Variants in PRKG1 observed in about 807,000 individuals in gnomAD.
PRKG1 encodes protein kinase cGMP-dependent 1.
PRKG1 carries 35 observed loss-of-function variants against 88.1 expected under a neutral mutation model. The observed-to-expected ratio is 0.40, with a 90% CI of 0.30 to 0.53. The LOEUF is 0.53. Among genes scored for constraint, PRKG1 ranks in the 20% least tolerant of loss-of-function variants. The pLI, the probability that PRKG1 is intolerant of heterozygous loss-of-function variation, is 0.59. For synonymous variants in PRKG1, 303 were observed against 292.5 expected (o/e 1.04, Z -0.37); for missense variants, 540 against 839.8 (o/e 0.64, Z 4.41).
chr10:51,249,389 C>A (rs1241853885), intron 2 of PRKG1, among the ~76,000 whole-genome samples: 1 of 151,672 alleles, frequency 6.6e-6, no homozygotes, highest in Non-Finnish European at 1.5e-5. Flanking sequence ...CATGTGAATG[C>A]CATAGGAATT....
chr10:52,293,959 C>G lies in PRKG1; in HGVS notation c.*59C>G. 7.2e-7 allele frequency: 1 copy of G among 1,395,144 alleles called. No homozygotes were observed. Among genetic ancestry groups the G allele is most frequent in the East Asian group, 2.3e-5 (1 of 43,370 alleles). The allele number at this position is 1,395,144 out of a possible 1,614,324, so 86.4% of individuals were successfully genotyped here. A position where few individuals can be genotyped will look rare whatever the true frequency, so the allele number is the denominator to read the frequency against. ...GACAGCTTTTTCTGAGACACAGCTGCCAGCAAACCTGAGGGAAAGAGAGAA... is the reference window on the plus strand; with the variant it reads ...GACAGCTTTTTCTGAGACACAGCTGGCAGCAAACCTGAGGGAAAGAGAGAA... On this transcript the variant is annotated 3_prime_UTR_variant, in exon 18 of 18. Transcript: ENST00000373980.
At chr10:51,406,627 T>G (rs865801748) in intron 2 of PRKG1, among the ~76,000 whole-genome samples, 2,159 of 151,944 alleles carry the variant, frequency 0.014, 26 homozygotes, top group Non-Finnish European at 0.019. Flanking sequence ...GTTTGTTTTT[T>G]TTTTTTTTTT....
intron 5 of PRKG1, among the ~76,000 whole-genome samples, chr10:52,034,871 G>C (rs1462827138): frequency 2.6e-5 from 4 of 152,216 alleles, no homozygotes; most frequent in Admixed American, 2.0e-4. Context: ...CAAATGCGCT[G>C]TACCCTGCAG....
chr10:51,380,033 T>G (rs987666188), intron 2 of PRKG1, among the ~76,000 whole-genome samples: 1 of 152,196 alleles, frequency 6.6e-6, no homozygotes, highest in Non-Finnish European at 1.5e-5. Flanking sequence ...TGGCTCATTC[T>G]TCTCCACCAT....
chr10:51,505,653 GTT>G (rs1841177537), intron 3 of PRKG1, among the ~76,000 whole-genome samples: 1 of 152,094 alleles, frequency 6.6e-6, no homozygotes, highest in Non-Finnish European at 1.5e-5. Flanking sequence ...TTCAGAGCCT[GTT>G]ATTGGTCTAT....
At chr10:51,460,423 A>T (rs1839716253) in intron 2 of PRKG1, among the ~76,000 whole-genome samples, 1 of 152,178 alleles carries the variant, frequency 6.6e-6, no homozygotes. Context: ...GCAAGAATGT[A>T]TTATACATTG....
rs183734038 is a variant in PRKG1, at chr10:51,783,360, C to T, written c.593-21225C>T. Among the ~76,000 whole-genome samples, 131 of 152,218 alleles carry T rather than the reference C, an allele frequency of 8.6e-4. 1 individual carries two copies. Among genetic ancestry groups the T allele is most frequent in the Admixed American group, 7.1e-3 (109 of 15,256 alleles). ...GTGGCATGATCTCAGGTCACTGCAACTTCCACCTTCTGGATTTAAGCAATT... is the reference window on the plus strand; with the variant it reads ...GTGGCATGATCTCAGGTCACTGCAATTTCCACCTTCTGGATTTAAGCAATT... On this transcript the variant is annotated intron_variant, in intron 3 of 17. Coordinates refer to ENST00000373980, the MANE Select transcript of PRKG1 (RefSeq NM_006258.4).
chr10:52,227,548 A>G (rs1840418092), intron 9 of PRKG1, among the ~76,000 whole-genome samples: 1 of 152,162 alleles, frequency 6.6e-6, no homozygotes, highest in African/African-American at 2.4e-5. Context: ...TGCTCAGGCT[A>G]TATGCAAATA....
At chr10:51,691,620 G>A (rs1042281672) in intron 3 of PRKG1, among the ~76,000 whole-genome samples, 5 of 152,096 alleles carry the variant, frequency 3.3e-5, no homozygotes, top group Non-Finnish European at 5.9e-5. Context: ...CTGGCCTTGA[G>A]CAAGTTTTTC....
intron 1 of PRKG1, among the ~76,000 whole-genome samples, chr10:51,097,136 T>A (rs1269088362): frequency 1.3e-5 from 2 of 152,156 alleles, no homozygotes; most frequent in East Asian, 1.9e-4. Context: ...GTGCATATAA[T>A]GCTGGTTGGC....
In PRKG1 at chr10:51,350,289, A is replaced by G. The variant is rs542776855; in HGVS notation, c.479-117434A>G. ...ATTGAAAGCTCAAACATCCCAACTC[A>G]CTAATACAGATGATAAAGGAACCCA... is the stretch of plus-strand genomic sequence containing the variant. On this transcript the variant is annotated intron_variant, in intron 2 of 17. Transcript: ENST00000373980. 2.0e-3 allele frequency among the ~76,000 whole-genome samples: 310 copies of G among 152,340 alleles called. 1 individual carries two copies. Among genetic ancestry groups the G allele is most frequent in the African/African-American group, 7.3e-3 (303 of 41,582 alleles).
At chr10:51,150,909 G>A (rs943633185) in intron 1 of PRKG1, among the ~76,000 whole-genome samples, 10 of 151,866 alleles carry the variant, frequency 6.6e-5, no homozygotes, top group African/African-American at 1.7e-4. Context: ...GGGAGAAAGC[G>A]ACTTCAATCA....
intron 5 of PRKG1, among the ~76,000 whole-genome samples, chr10:51,965,102 A>C (rs1415838089): frequency 1.3e-5 from 2 of 152,204 alleles, no homozygotes; most frequent in Non-Finnish European, 2.9e-5. Context: ...TTTATATTTT[A>C]AGTTCAGGGG....
intron 3 of PRKG1, among the ~76,000 whole-genome samples, chr10:51,668,320 G>C (rs1415394572): frequency 6.6e-6 from 1 of 152,182 alleles, no homozygotes; most frequent in Non-Finnish European, 1.5e-5. Context: ...TGGAGTTTAG[G>C]ACTTGGTAAA....
In PRKG1 at chr10:51,975,303, T is replaced by C. The variant is rs551664070; in HGVS notation, c.762+67733T>C. 5.9e-5 allele frequency among the ~76,000 whole-genome samples: 9 copies of C among 152,174 alleles called. No individual in the cohort carries two copies. The South Asian group carries it at 1.5e-3, about 25-fold the overall frequency. On this transcript the variant is annotated intron_variant, in intron 5 of 17. Coordinates refer to ENST00000373980, the MANE Select transcript of PRKG1 (RefSeq NM_006258.4). ...GTAGACCAATCTCTTTCCATCACTTTAGGACAGAAGCAGCCTTCGCATGGT... is the reference window on the plus strand; with the variant it reads ...GTAGACCAATCTCTTTCCATCACTTCAGGACAGAAGCAGCCTTCGCATGGT...
intron 2 of PRKG1, among the ~76,000 whole-genome samples, chr10:51,297,062 G>A (rs1840739993): frequency 6.6e-6 from 1 of 152,166 alleles, no homozygotes. Context: ...TAAATGCAAA[G>A]CATTGAGTCC....
chr10:51,052,188 C>G lies in PRKG1; in HGVS notation c.266+60544C>G, dbSNP rs181923317. Among the ~76,000 whole-genome samples the G allele has an allele frequency of 2.1e-3, 325 of 152,278 alleles. 2 individuals carry two copies. Among genetic ancestry groups the G allele is most frequent in the Middle Eastern group, 0.014 (4 of 294 alleles). ...GATTTATATTTCTTTTACCAGAGTT[C>G]AAATTCCAACCACTAGTATTGGACT... On this transcript the variant is annotated intron_variant, in intron 1 of 17. Transcript: ENST00000401604.
At chr10:51,725,628 C>CT (rs59354639) in intron 3 of PRKG1, among the ~76,000 whole-genome samples, 60,310 of 144,942 alleles carry the variant, frequency 0.42, 12,977 homozygotes, top group Middle Eastern at 0.56. Context: ...TTTTTCTTTT[C>CT]TTTTTTTTTT....
intron 1 of PRKG1, among the ~76,000 whole-genome samples, chr10:51,106,577 T>TC (rs1477069066): frequency 1.3e-5 from 2 of 152,124 alleles, no homozygotes; most frequent in African/African-American, 2.4e-5. Flanking sequence ...TCAGATTCAC[T>TC]CAGATCTTGG....
Sources: gnomAD v4.1 joint callset for allele counts (sites outside exome capture counted in the v4.1 genomes callset) on GRCh38, gnomAD v4.1.1 for gene constraint, MANE v1.5 for transcripts, NCBI Gene and HGNC (gene_info 2026-07-23, HGNC 2026-07-21) for gene names.